The following ZBTB38 variants were observed in gnomAD, a reference collection of about 807,000 sequenced individuals.
ZBTB38 encodes zinc finger and BTB domain containing 38, also known as zinc finger and BTB domain-containing protein 38.
A neutral mutation model predicts 76.8 loss-of-function variants in ZBTB38; 20 were observed. The ratio of observed to expected loss-of-function variants is 0.26; its 90% confidence interval spans 0.18 to 0.38. ZBTB38 has a LOEUF of 0.38. Among genes scored for constraint, ZBTB38 ranks in the 10% least tolerant of loss-of-function variants. The pLI, the probability that ZBTB38 is intolerant of heterozygous loss-of-function variation, is 1.00. For synonymous variants in ZBTB38, 504 were observed against 544.2 expected (o/e 0.93, Z 1.03); for missense variants, 1,082 against 1,482.3 (o/e 0.73, Z 4.43).
At chr3:141,353,922 G>GA (rs1343505804) in intron 1 of ZBTB38, among the ~76,000 whole-genome samples, 1 of 152,108 alleles carries the variant, frequency 6.6e-6, no homozygotes, top group African/African-American at 2.4e-5. Context: ...AGAACAACAT[G>GA]ATCATCAGCT....
At chr3:141,395,167 T>C (rs1315896319) in intron 4 of ZBTB38, among the ~76,000 whole-genome samples, 3 of 152,228 alleles carry the variant, frequency 2.0e-5, no homozygotes, top group Non-Finnish European at 4.4e-5. Context: ...AATAGGAAGG[T>C]ATTCTGTTGG....
intron 4 of ZBTB38, chr3:141,387,267 A>C (rs1259818763): frequency 6.6e-6 from 1 of 151,870 alleles, no homozygotes; most frequent in Non-Finnish European, 1.5e-5. Flanking sequence ...TTTTTTAACA[A>C]AACCAAAACC....
At chr3:141,325,724 A>G (rs1942654314) in intron 1 of ZBTB38, among the ~76,000 whole-genome samples, 1 of 152,236 alleles carries the variant, frequency 6.6e-6, no homozygotes, top group African/African-American at 2.4e-5. Flanking sequence ...AGTGTTTGCT[A>G]GACTAATTGA....
At chr3:141,431,142 G>A (rs969418390) in intron 5 of ZBTB38, among the ~76,000 whole-genome samples, 3 of 151,642 alleles carry the variant, frequency 2.0e-5, no homozygotes, top group African/African-American at 7.3e-5. Context: ...GACCAACATG[G>A]TGAAACCCCG....
At chr3:141,374,001 A>G (rs1258372548) in intron 2 of ZBTB38, among the ~76,000 whole-genome samples, 1 of 152,020 alleles carries the variant, frequency 6.6e-6, no homozygotes, top group Non-Finnish European at 1.5e-5. Flanking sequence ...TTGGTGGCAC[A>G]TGCCTGTAAT....
chr3:141,333,156 A>C (rs1942902542), intron 1 of ZBTB38, among the ~76,000 whole-genome samples: 1 of 152,198 alleles, frequency 6.6e-6, no homozygotes, highest in South Asian at 2.1e-4. Flanking sequence ...CCCAGGGGAC[A>C]GTGTAAAGCC....
intron 2 of ZBTB38, among the ~76,000 whole-genome samples, chr3:141,380,195 TG>T (rs1945999541): frequency 6.6e-6 from 1 of 152,260 alleles, no homozygotes; most frequent in Admixed American, 6.5e-5. Context: ...ATGGTTTAGA[TG>T]GCATTTTCTA....
chr3:141,324,531 G>A (rs1942617516), intron 1 of ZBTB38: 1 of 152,138 alleles, frequency 6.6e-6, no homozygotes, highest in African/African-American at 2.4e-5. Flanking sequence ...TTCCATTAGT[G>A]TATTTTCTCT....
At chr3:141,378,636 CT>C (rs1432387578) in intron 2 of ZBTB38, among the ~76,000 whole-genome samples, 1 of 152,256 alleles carries the variant, frequency 6.6e-6, no homozygotes, top group Non-Finnish European at 1.5e-5. Flanking sequence ...GATTTATCCC[CT>C]GGCTTCCCCT....
chr3:141,346,782 T>TTTTGTGTGTGTGTGTG (rs150173767), intron 1 of ZBTB38, among the ~76,000 whole-genome samples: 1,524 of 144,658 alleles, frequency 0.011, 13 homozygotes, highest in Middle Eastern at 0.028. Flanking sequence ...TTGTTTTGTT[T>TTTTGTGTGTGTGTGTG]TGTGTGTGTG....
chr3:141,378,774 A>C (rs1945773617), intron 2 of ZBTB38, among the ~76,000 whole-genome samples: 1 of 152,178 alleles, frequency 6.6e-6, no homozygotes, highest in South Asian at 2.1e-4. Flanking sequence ...GATGGAATCA[A>C]AGCTCAAGTA....
chr3:141,373,326 G>A (rs1409798406), intron 2 of ZBTB38, among the ~76,000 whole-genome samples: 1 of 152,160 alleles, frequency 6.6e-6, no homozygotes. Context: ...AGGCACTATA[G>A]TCTTTTCAGA....
chr3:141,406,921 A>G (rs1273303491), intron 5 of ZBTB38, among the ~76,000 whole-genome samples: 1 of 152,172 alleles, frequency 6.6e-6, no homozygotes, highest in African/African-American at 2.4e-5. Flanking sequence ...GACGTGTATG[A>G]TGAATATTAA....
chr3:141,374,832 C>A (rs1207472975), intron 2 of ZBTB38, among the ~76,000 whole-genome samples: 2 of 152,272 alleles, frequency 1.3e-5, no homozygotes, highest in East Asian at 3.9e-4. Context: ...TAGTGTTCTA[C>A]TATTTTTAAA....
chr3:141,345,166 GT>G (rs756160236), intron 1 of ZBTB38, among the ~76,000 whole-genome samples: 5 of 152,168 alleles, frequency 3.3e-5, no homozygotes, highest in Non-Finnish European at 5.9e-5. Context: ...GTTGGGATAA[GT>G]TGGAAAAATG....
upstream of ZBTB38, among the ~76,000 whole-genome samples, chr3:141,365,795 A>C (rs1943948816): frequency 6.6e-6 from 1 of 152,204 alleles, no homozygotes; most frequent in African/African-American, 2.4e-5. Flanking sequence ...AGTGTTAAAA[A>C]AAAATAGATT....
intron 2 of ZBTB38, among the ~76,000 whole-genome samples, chr3:141,377,046 G>A (rs1425139936): frequency 5.9e-5 from 9 of 152,210 alleles, no homozygotes; most frequent in Non-Finnish European, 1.3e-4. Context: ...CCCTGGCCCA[G>A]GCAAACTCTG....
rs71976494 is a variant in ZBTB38, at chr3:141,431,323, C to CAAAAAAAAAAA, written c.1-11057_1-11047dup. Among the ~76,000 whole-genome samples, 7 of 101,400 alleles carry CAAAAAAAAAAA rather than the reference C, an allele frequency of 6.9e-5. 1 individual carries two copies. The East Asian group carries it at 1.4e-3, about 20-fold the overall frequency. The allele number at this position is 101,400 out of a possible 152,430, so 66.5% of individuals were successfully genotyped here. Reference sequence around the variant, plus strand: ...GGGGGACAAGAGCGAGACTTCGTCTCAAAAAAAAAAAAAAAAAAATATATA... The same window carrying CAAAAAAAAAAA: ...GGGGGACAAGAGCGAGACTTCGTCTCAAAAAAAAAAAAAAAAAAAAAAAAAAAAAATATATA... On this transcript the variant is annotated intron_variant, in intron 5 of 5. Coordinates refer to ENST00000321464, the MANE Select transcript of ZBTB38 (RefSeq NM_001376113.1).
intron 1 of ZBTB38, among the ~76,000 whole-genome samples, chr3:141,340,307 GAAGTT>G (rs1468193825): frequency 6.6e-6 from 1 of 152,136 alleles, no homozygotes; most frequent in Non-Finnish European, 1.5e-5. Context: ...TCTAAGAAAG[GAAGTT>G]AAGTTGAGGG....
Sources: allele counts gnomAD v4.1 joint callset (sites outside exome capture counted in the v4.1 genomes callset), GRCh38; gene constraint gnomAD v4.1.1; transcripts MANE v1.5; gene names NCBI Gene and HGNC (gene_info 2026-07-23, HGNC 2026-07-21).